CLTCL1: variants seen among roughly 807,000 people sequenced by gnomAD.
CLTCL1 encodes clathrin heavy chain like 1.
In CLTCL1, 159 loss-of-function variants were observed where a neutral mutation model predicts 190.0. The observed-to-expected ratio is 0.84, with a 90% CI of 0.74 to 0.95. The LOEUF is 0.95. Among genes scored for constraint, CLTCL1 ranks in the 40% least tolerant of loss-of-function variants. The pLI, the probability that CLTCL1 is intolerant of heterozygous loss-of-function variation, is 0.00. For missense variants in CLTCL1, 1,878 were observed against 2,033.4 expected (o/e 0.92, Z 1.47); for synonymous variants, 752 against 769.6 (o/e 0.98, Z 0.38).
chr22:19,250,966 C>A (rs781808964), intron 3 of CLTCL1, among the ~76,000 whole-genome samples: 1 of 152,094 alleles, frequency 6.6e-6, no homozygotes, highest in African/African-American at 2.4e-5. Context: ...GGGTTCCTTG[C>A]AATTCCACAT....
chr22:19,212,644 GAAAA>G (rs201738487), intron 19 of CLTCL1, among the ~76,000 whole-genome samples: 2 of 147,932 alleles, frequency 1.4e-5, no homozygotes, highest in Non-Finnish European at 3.0e-5. Flanking sequence ...GAAAGAGAAA[GAAAA>G]AAGAAAGAAA....
chr22:19,196,233 T>C (rs1555935402), intron 26 of CLTCL1, 33 bp downstream of exon 26: 1 of 1,601,992 alleles, frequency 6.2e-7, no homozygotes, highest in Non-Finnish European at 8.5e-7. Context: ...TGGCAGAGGC[T>C]GGCAGGAGCC....
At chr22:19,200,305 T>C (rs1224589177) in intron 23 of CLTCL1, among the ~76,000 whole-genome samples, 1 of 152,194 alleles carries the variant, frequency 6.6e-6, no homozygotes, top group Non-Finnish European at 1.5e-5. Context: ...AAGTGCAGAA[T>C]TCCCCTGTAC....
At chr22:19,211,124 AGT>A (rs2085206929) in intron 19 of CLTCL1, among the ~76,000 whole-genome samples, 1 of 152,214 alleles carries the variant, frequency 6.6e-6, no homozygotes, top group South Asian at 2.1e-4. Flanking sequence ...AAAAAAAATC[AGT>A]GTAACACACC....
chr22:19,200,478 G>A (rs2084847624), intron 23 of CLTCL1, among the ~76,000 whole-genome samples: 2 of 152,148 alleles, frequency 1.3e-5, no homozygotes, highest in South Asian at 4.1e-4. Context: ...GCATAATATT[G>A]GCAACATCTT....
intron 3 of CLTCL1, among the ~76,000 whole-genome samples, chr22:19,249,520 C>G (rs1049582553): frequency 1.3e-5 from 2 of 151,794 alleles, no homozygotes; most frequent in Non-Finnish European, 2.9e-5. Flanking sequence ...CGGTGAAACC[C>G]TGTCTCTACT....
chr22:19,245,170 T>C (rs2086377552), intron 3 of CLTCL1, among the ~76,000 whole-genome samples: 1 of 151,062 alleles, frequency 6.6e-6, no homozygotes, highest in Non-Finnish European at 1.5e-5. Context: ...TGGCCCCATG[T>C]TCCCCTCTCC....
At chr22:19,248,446 C>T (rs2086488765) in intron 3 of CLTCL1, among the ~76,000 whole-genome samples, 1 of 152,102 alleles carries the variant, frequency 6.6e-6, no homozygotes, top group African/African-American at 2.4e-5. Context: ...TAAAGCATAC[C>T]ATCCAATGTT....
chr22:19,281,004 T>C (rs1473836230), intron 1 of CLTCL1, among the ~76,000 whole-genome samples: 2 of 149,096 alleles, frequency 1.3e-5, no homozygotes, highest in Non-Finnish European at 3.0e-5. Flanking sequence ...ATGAAAAGAG[T>C]TGTGGGCCGG....
chr22:19,237,735 A>G (rs1181948451), intron 5 of CLTCL1, among the ~76,000 whole-genome samples: 1 of 152,248 alleles, frequency 6.6e-6, no homozygotes, highest in Non-Finnish European at 1.5e-5. Flanking sequence ...AGAATGATCT[A>G]CAACATAGCT....
intron 27 of CLTCL1, among the ~76,000 whole-genome samples, 180 bp from the exon 28 acceptor site, chr22:19,188,271 G>A (rs1384597867): frequency 6.6e-6 from 1 of 152,228 alleles, no homozygotes; most frequent in Non-Finnish European, 1.5e-5. Flanking sequence ...CTGTCTGGGC[G>A]ATTCAGTGGA....
intron 29 of CLTCL1, among the ~76,000 whole-genome samples, chr22:19,186,563 C>T (rs2084321721): frequency 6.6e-6 from 1 of 151,992 alleles, no homozygotes; most frequent in Non-Finnish European, 1.5e-5. Flanking sequence ...CCGTACCCAG[C>T]TTTGAAACAA....
chr22:19,229,759 G>A, intron 11 of CLTCL1, 79 bp downstream of exon 11: 1 of 1,405,862 alleles, frequency 7.1e-7, no homozygotes, highest in Non-Finnish European at 9.4e-7. Context: ...CCAGTCCAAA[G>A]CCACTGTGCT....
rs1555954264 is a variant in CLTCL1, at chr22:19,224,019, T to A, written c.2164A>T (p.Ser722Cys). The A allele has an allele frequency of 1.2e-6, 2 of 1,614,000 alleles. No homozygotes were observed. Among genetic ancestry groups the A allele is most frequent in the South Asian group, 2.2e-5 (2 of 91,086 alleles). Residue 722 changes from serine to cysteine, a missense_variant, in exon 14 of 33, where the codon AGC becomes TGC. Coordinates refer to ENST00000427926, the MANE Select transcript of CLTCL1 (RefSeq NM_007098.4). ...TTCAGATGCACATCTGGGTCTTGGCTGAAGTTCACGATTGAGCCCAGGAAG... is the reference window on the plus strand; with the variant it reads ...TTCAGATGCACATCTGGGTCTTGGCAGAAGTTCACGATTGAGCCCAGGAAG... ...FYFLGSIVNF[S>C]QDPDVHLKYI...
intron 26 of CLTCL1, among the ~76,000 whole-genome samples, chr22:19,194,992 T>C (rs921115612): frequency 1.3e-5 from 2 of 152,228 alleles, no homozygotes; most frequent in Non-Finnish European, 1.5e-5. Context: ...AGGCACCAGA[T>C]GAGAGATGCT....
chr22:19,187,469 G>A (rs2084350178), intron 29 of CLTCL1, 89 bp downstream of exon 29: 1 of 1,385,696 alleles, frequency 7.2e-7, no homozygotes, highest in Non-Finnish European at 9.9e-7. Context: ...CCAGGTCTCA[G>A]GAACAAGAGG....
chr22:19,193,178 T>C (rs1243260703), intron 26 of CLTCL1, among the ~76,000 whole-genome samples: 1 of 152,184 alleles, frequency 6.6e-6, no homozygotes, highest in African/African-American at 2.4e-5. Context: ...TGGACAGACT[T>C]GAAGTGGGGC....
chr22:19,219,930 G>T lies in CLTCL1; in HGVS notation c.2874C>A (p.His958Gln), dbSNP rs782380909. 1.9e-5 allele frequency: 31 copies of T among 1,613,924 alleles called. No individual in the cohort carries two copies. Among genetic ancestry groups the T allele is most frequent in the Admixed American group, 5.0e-5 (3 of 59,998 alleles). ...TGGATGGGTTGGTCTCCTCAAGGACGTGAGCCCAGAGCTCCGGATCCTTTC... is the reference window on the plus strand; with the variant it reads ...TGGATGGGTTGGTCTCCTCAAGGACTTGAGCCCAGAGCTCCGGATCCTTTC... ...VCRKDPELWA[H>Q]VLEETNPSRR... is the part of the protein sequence containing the mutation. Residue 958 changes from histidine (H) to glutamine (Q), a missense_variant, in exon 18 of 33, where the codon CAC (histidine) becomes CAA (glutamine). Physicochemically the swap from His to Gln is conservative, Grantham distance 24. Coordinates refer to ENST00000427926, the MANE Select transcript of CLTCL1 (RefSeq NM_007098.4).
At chr22:19,275,549 C>G (rs951458223) in intron 2 of CLTCL1, 74 bp downstream of exon 2, 4 of 1,422,250 alleles carry the variant, frequency 2.8e-6, no homozygotes, top group East Asian at 5.0e-5. Flanking sequence ...CTTAGTGACA[C>G]TTGTTCAATA....
Sources: allele counts gnomAD v4.1 joint callset (sites outside exome capture counted in the v4.1 genomes callset), GRCh38; gene constraint gnomAD v4.1.1; transcripts MANE v1.5; gene names NCBI Gene and HGNC (gene_info 2026-07-23, HGNC 2026-07-21).